Variants in SDK1 observed in about 807,000 individuals in gnomAD.
SDK1 encodes protein sidekick-1.
Under a neutral mutation model 245.5 loss-of-function variants are expected in SDK1, and 157 were observed. That is an observed-to-expected ratio of 0.64 (90% CI 0.56 to 0.73). The LOEUF is 0.73. SDK1 is among the 30% of genes least tolerant of loss of function. The pLI is 0.00. For missense variants in SDK1, 3,583 were observed against 3,002.3 expected (o/e 1.19, Z -4.52); for synonymous variants, 1,647 against 1,278.5 (o/e 1.29, Z -6.15).
At chr7:4,248,568 C>T (rs1024104757) in intron 44 of SDK1, among the ~76,000 whole-genome samples, 3 of 151,908 alleles carry the variant, frequency 2.0e-5, no homozygotes, top group African/African-American at 7.3e-5. Flanking sequence ...ACCTATACAC[C>T]TGAATACATG....
chr7:3,660,503 G>A (rs1172789591), intron 4 of SDK1, among the ~76,000 whole-genome samples: 2 of 152,144 alleles, frequency 1.3e-5, no homozygotes, highest in Admixed American at 6.5e-5. Flanking sequence ...AGAGAGATGG[G>A]AGAGCCTATC....
chr7:3,363,476 C>T (rs934650322), intron 1 of SDK1, among the ~76,000 whole-genome samples: 2 of 151,912 alleles, frequency 1.3e-5, no homozygotes, highest in Non-Finnish European at 2.9e-5. Context: ...TGATAAGTGC[C>T]TAGGAATTCA....
Position 3,729,187 on chromosome 7 carries a change from T to C in SDK1, c.713+87082T>C, listed in dbSNP as rs893772245. On this transcript the variant is annotated intron_variant, in intron 4 of 44. Coordinates refer to ENST00000404826, the MANE Select transcript of SDK1 (RefSeq NM_152744.4). Reference sequence around the variant, plus strand: ...AGTTTGGATGTAAGATCTAATGAAATTAAGTGTTCTTTATCTTAGGAAAAC... The same window carrying C: ...AGTTTGGATGTAAGATCTAATGAAACTAAGTGTTCTTTATCTTAGGAAAAC... Among the ~76,000 whole-genome samples, 6 of 152,346 alleles carry C rather than the reference T, an allele frequency of 3.9e-5. No individual in the cohort carries two copies. The South Asian group carries it at 1.2e-3, about 32-fold the overall frequency.
At position 3,670,965 on chromosome 7, in the gene SDK1, A is replaced by G. The variant is rs149286518; in HGVS notation, c.713+28860A>G. Among the ~76,000 whole-genome samples the G allele has an allele frequency of 1.3e-3, 200 of 152,330 alleles. 1 individual carries two copies. The highest frequency in any genetic ancestry group is 4.6e-3 in the African/African-American group (191 of 41,578). ...CGTCTATTATTTGTTCTTACAGCAC[A>G]TCCTGTAACTTTTTTTTGCCATAGT... On this transcript the variant is annotated intron_variant, in intron 4 of 44. Transcript: ENST00000404826.
At chr7:3,616,823 T>C (rs1364550732) in intron 1 of SDK1, among the ~76,000 whole-genome samples, 1 of 152,236 alleles carries the variant, frequency 6.6e-6, no homozygotes, top group Non-Finnish European at 1.5e-5. Context: ...AATGTGCTAC[T>C]TGATGTTTAT....
At chr7:4,062,562 A>G (rs1779608144) in intron 19 of SDK1, among the ~76,000 whole-genome samples, 1 of 152,206 alleles carries the variant, frequency 6.6e-6, no homozygotes, top group Non-Finnish European at 1.5e-5. Flanking sequence ...TCCTCAAACT[A>G]TTCCAAAAAA....
chr7:4,224,001 A>G (rs1249537315), intron 40 of SDK1, among the ~76,000 whole-genome samples: 2 of 152,172 alleles, frequency 1.3e-5, no homozygotes, highest in East Asian at 3.9e-4. Flanking sequence ...CGGTGGCCAC[A>G]GGTCACCTAA....
Position 4,268,820 on chromosome 7 carries a change from C to T in SDK1, c.*3436C>T. ...GCTGAGCCTGCCCGCTGGGACACGT[C>T]TCCTTCCCGCGTCACCTTCTGGTTT... On this transcript the variant is annotated 3_prime_UTR_variant, in exon 45 of 45. Transcript: ENST00000404826. 1 of 1,140,038 alleles carries T rather than the reference C, an allele frequency of 8.8e-7. No individual in the cohort carries two copies. Among genetic ancestry groups the T allele is most frequent in the African/African-American group, 1.6e-5 (1 of 63,018 alleles). The allele number at this position is 1,140,038 out of a possible 1,614,324, so 70.6% of individuals were successfully genotyped here.
At chr7:3,364,590 A>T (rs1781040246) in intron 1 of SDK1, among the ~76,000 whole-genome samples, 1 of 152,206 alleles carries the variant, frequency 6.6e-6, no homozygotes, top group Non-Finnish European at 1.5e-5. Flanking sequence ...ACTTGGACAT[A>T]TCTGTTCATC....
At position 4,178,534 on chromosome 7, in the gene SDK1, C is replaced by T; in HGVS notation, c.5046C>T (p.Ile1682=). 5 of 1,613,858 alleles carry T rather than the reference C, an allele frequency of 3.1e-6. 1 individual carries two copies. The South Asian group carries it at 4.4e-5, about 14-fold the overall frequency. The change falls in exon 35 of 45, where the codon ATC becomes ATT. Residue 1682 remains isoleucine, a synonymous_variant. Transcript: ENST00000404826. ...RYEVIMTAYN[I]IGESPASAPV... ...AAGTAATAATGACCGCCTATAACAT[C>T]ATCGGCGAGAGCCCAGCCAGCGCGC...
chr7:3,638,262 G>A (rs1008402208), intron 2 of SDK1, among the ~76,000 whole-genome samples: 3 of 152,130 alleles, frequency 2.0e-5, no homozygotes, highest in Non-Finnish European at 4.4e-5. Flanking sequence ...AATACCATTT[G>A]ACCCAGCCAT....
At chr7:3,568,785 A>G (rs1178091688) in intron 1 of SDK1, among the ~76,000 whole-genome samples, 3 of 152,196 alleles carry the variant, frequency 2.0e-5, no homozygotes, top group Admixed American at 6.5e-5. Context: ...GAGTACCTGT[A>G]ATGGATCTGA....
At chr7:3,593,078 C>G (rs1056515925) in intron 1 of SDK1, among the ~76,000 whole-genome samples, 2 of 152,196 alleles carry the variant, frequency 1.3e-5, no homozygotes, top group African/African-American at 4.8e-5. Flanking sequence ...TTGCCTCTGT[C>G]CTGCTAATGG....
intron 4 of SDK1, among the ~76,000 whole-genome samples, chr7:3,720,321 A>T (rs554812245): frequency 6.6e-6 from 1 of 152,212 alleles, no homozygotes; most frequent in Admixed American, 6.5e-5. Context: ...TTTGTAAACC[A>T]CGTACCTGAT....
At chr7:3,832,473 G>A (rs569530882) in intron 5 of SDK1, among the ~76,000 whole-genome samples, 38 of 152,262 alleles carry the variant, frequency 2.5e-4, no homozygotes, top group Middle Eastern at 6.8e-3. Context: ...ATTACAGCAG[G>A]TAATTAAAAT....
intron 1 of SDK1, among the ~76,000 whole-genome samples, chr7:3,526,981 A>T (rs1198478297): frequency 6.6e-6 from 1 of 152,168 alleles, no homozygotes; most frequent in Non-Finnish European, 1.5e-5. Context: ...CTATAAATCT[A>T]CCTTCAGCTT....
intron 1 of SDK1, among the ~76,000 whole-genome samples, chr7:3,378,459 A>G (rs1177743482): frequency 6.6e-6 from 1 of 151,846 alleles, no homozygotes; most frequent in African/African-American, 2.4e-5. Context: ...TCACTTTGAC[A>G]TTTTCTTCTG....
At chr7:3,459,420 T>C (rs532562015) in intron 1 of SDK1, among the ~76,000 whole-genome samples, 49 of 152,332 alleles carry the variant, frequency 3.2e-4, no homozygotes, top group African/African-American at 1.1e-3. Flanking sequence ...GCAGTCGATA[T>C]AGTGCTGGAT....
At position 3,370,251 on chromosome 7, in the gene SDK1, C is replaced by G. The variant is rs938283363; in HGVS notation, c.298+68367C>G. 2.0e-5 allele frequency among the ~76,000 whole-genome samples: 3 copies of G among 152,112 alleles called. 1 individual carries two copies. Among genetic ancestry groups the G allele is most frequent in the Admixed American group, 6.5e-5 (1 of 15,280 alleles). On this transcript the variant is annotated intron_variant, in intron 1 of 44. Coordinates refer to ENST00000404826, the MANE Select transcript of SDK1 (RefSeq NM_152744.4). ...TCCTTACCGGCAGGGGAATATCAGA[C>G]AAGTGGTGTTTTTCAGACAGTGAAG...
Sources: allele counts gnomAD v4.1 joint callset (sites outside exome capture counted in the v4.1 genomes callset), GRCh38; gene constraint gnomAD v4.1.1; transcripts MANE v1.5; gene names NCBI Gene and HGNC (gene_info 2026-07-23, HGNC 2026-07-21).